MYOCOS: variants seen among roughly 807,000 people sequenced by gnomAD.
MYOCOS encodes the protein myocilin opposite strand protein.
chr1:171,624,500 A>G (rs1652652755), intron 2 of MYOCOS, among the ~76,000 whole-genome samples: 1 of 151,490 alleles, frequency 6.6e-6, no homozygotes. Flanking sequence ...AGGCTGGAGC[A>G]ATCTTGGCTC....
intron 2 of MYOCOS, 102 bp from the exon 3 acceptor site, chr1:171,626,352 G>A (rs35555884): frequency 0.018 from 7,232 of 393,488 alleles, 114 homozygotes; most frequent in Non-Finnish European, 0.026. Flanking sequence ...AAAGTGCTGG[G>A]ATTACAGGCA....
upstream of MYOCOS, among the ~76,000 whole-genome samples, chr1:171,620,803 C>T (rs235865): frequency 0.2 from 27,115 of 137,976 alleles, 2,764 homozygotes; most frequent in Middle Eastern, 0.37. Context: ...GACGGAGTCT[C>T]GTTCTGTTGC....
chr1:171,623,935 T>A lies in MYOCOS; in HGVS notation c.52T>A (p.Leu18Met). 2 of 398,608 alleles carry A rather than the reference T, an allele frequency of 5.0e-6. No homozygotes were observed. Among genetic ancestry groups the A allele is most frequent in the Non-Finnish European group, 8.8e-6 (2 of 226,068 alleles). 24.7% of individuals were successfully genotyped at this position (398,608 alleles called of 1,614,324 possible). A position where few individuals can be genotyped will look rare whatever the true frequency, so the allele number is the denominator to read the frequency against. Reference protein sequence around the residue: ...NNSINLPYKDLTSEVTRRRVT... With the variant: ...NNSINLPYKDMTSEVTRRRVT... ...CAGCATTAATCTCCCCTACAAGGAC[T>A]TGACCTCCGAGGTAACCAGGCGCCG... is the stretch of plus-strand genomic sequence containing the variant. Residue 18 changes from leucine to methionine, a missense_variant, in exon 2 of 3, where the codon TTG (leucine) becomes ATG (methionine). Transcript: ENST00000637642.
At chr1:171,610,574 AAGAG>A (rs370888805) in intron 1 of MYOCOS, among the ~76,000 whole-genome samples, 9 of 150,506 alleles carry the variant, frequency 6.0e-5, no homozygotes, top group African/African-American at 1.2e-4. Context: ...GAGAAAGAGG[AAGAG>A]AGAGAGAGAG....
chr1:171,618,777 TG>T (rs1438441165), upstream of MYOCOS, among the ~76,000 whole-genome samples: 1 of 152,196 alleles, frequency 6.6e-6, no homozygotes, highest in African/African-American at 2.4e-5. Flanking sequence ...GGTTTCACCA[TG>T]TTGGCCAGGC....
upstream of MYOCOS, among the ~76,000 whole-genome samples, chr1:171,618,243 G>GAC (rs1652485909): frequency 6.6e-6 from 1 of 152,216 alleles, no homozygotes; most frequent in Non-Finnish European, 1.5e-5. Flanking sequence ...AACCAACCAA[G>GAC]TTCAGAGACT....
At chr1:171,614,640 C>G (rs951482092) in intron 1 of MYOCOS, among the ~76,000 whole-genome samples, 10 of 152,318 alleles carry the variant, frequency 6.6e-5, no homozygotes, top group Admixed American at 2.6e-4. Context: ...GAGTCATCAC[C>G]ACCAACACTC....
chr1:171,605,394 CA>C (rs1553253256), intron 1 of MYOCOS, among the ~76,000 whole-genome samples: 16 of 127,554 alleles, frequency 1.3e-4, no homozygotes, highest in South Asian at 5.0e-4. Flanking sequence ...CACACACACA[CA>C]AAAAAAAAAA....
intron 2 of MYOCOS, among the ~76,000 whole-genome samples, chr1:171,624,267 GGTTTT>G (rs1461507025): frequency 6.6e-6 from 1 of 151,784 alleles, no homozygotes; most frequent in Non-Finnish European, 1.5e-5. Flanking sequence ...TGTTTGGTTT[GGTTTT>G]GTTTTTTTGA....
upstream of MYOCOS, among the ~76,000 whole-genome samples, chr1:171,621,374 G>GTT (rs397974158): frequency 0.05 from 5,721 of 115,100 alleles, 650 homozygotes; most frequent in African/African-American, 0.13. Context: ...TCTATGGTGG[G>GTT]TTTTTTTTTT....
At chr1:171,621,453 G>T (rs908578513), upstream of MYOCOS, among the ~76,000 whole-genome samples, 1 of 139,826 alleles carries the variant, frequency 7.2e-6, no homozygotes. Flanking sequence ...TCGGCTCACT[G>T]CAAGCTCCGC....
At chr1:171,626,428 G>A (rs1652704013) in intron 2 of MYOCOS, 26 bp from the exon 3 acceptor site, 1 of 398,392 alleles carries the variant, frequency 2.5e-6, no homozygotes, top group Non-Finnish European at 4.4e-6. Flanking sequence ...TTATTCAAAT[G>A]GCATTCAATG....
At chr1:171,624,962 G>T (rs1652665402) in intron 2 of MYOCOS, among the ~76,000 whole-genome samples, 1 of 152,106 alleles carries the variant, frequency 6.6e-6, no homozygotes, top group South Asian at 2.1e-4. Context: ...AATCTGATAA[G>T]AAGTTGGTCA....
At chr1:171,620,464 C>T (rs1480954395), upstream of MYOCOS, among the ~76,000 whole-genome samples, 1 of 152,154 alleles carries the variant, frequency 6.6e-6, no homozygotes, top group Non-Finnish European at 1.5e-5. Context: ...TCTCAATTAA[C>T]ATAGCTAGAT....
intron 1 of MYOCOS, among the ~76,000 whole-genome samples, chr1:171,604,668 T>C (rs2102931810): frequency 6.6e-6 from 1 of 152,290 alleles, no homozygotes; most frequent in East Asian, 1.9e-4. Flanking sequence ...CCACTATTAA[T>C]AATAAACAGC....
intron 2 of MYOCOS, among the ~76,000 whole-genome samples, chr1:171,626,208 A>C (rs1652693467): frequency 6.6e-6 from 1 of 151,998 alleles, no homozygotes; most frequent in Non-Finnish European, 1.5e-5. Flanking sequence ...TTGGCCTCCC[A>C]AGTAGCTGGG....
chr1:171,618,829 GC>G (rs1192892846), upstream of MYOCOS, among the ~76,000 whole-genome samples: 1 of 152,176 alleles, frequency 6.6e-6, no homozygotes, highest in Non-Finnish European at 1.5e-5. Context: ...GCCCGCCTTG[GC>G]CTCTCAAAGT....
chr1:171,625,829 A>G (rs948340216), intron 2 of MYOCOS, among the ~76,000 whole-genome samples: 7 of 152,160 alleles, frequency 4.6e-5, no homozygotes, highest in Non-Finnish European at 8.8e-5. Context: ...AAGCTAATTG[A>G]TGGGAAGAAC....
chr1:171,621,374 G>GTTTTTTTTTTTTTTTTTTT (rs397974158), upstream of MYOCOS, among the ~76,000 whole-genome samples: 1 of 115,150 alleles, frequency 8.7e-6, no homozygotes. Flanking sequence ...TCTATGGTGG[G>GTTTTTTTTTTTTTTTTTTT]TTTTTTTTTT....
Sources: allele counts gnomAD v4.1 joint callset (sites outside exome capture counted in the v4.1 genomes callset), GRCh38; gene constraint gnomAD v4.1.1; transcripts MANE v1.5; gene names NCBI Gene and HGNC (gene_info 2026-07-23, HGNC 2026-07-21).